Variants in NRG3 observed in about 807,000 individuals in gnomAD.
NRG3 encodes neuregulin 3.
Under a neutral mutation model 66.9 loss-of-function variants are expected in NRG3, and 31 were observed. That is an observed-to-expected ratio of 0.46 (90% CI 0.35 to 0.63). NRG3 has a LOEUF of 0.63. NRG3 is among the 20% of genes least tolerant of loss of function. The pLI is 0.00. For missense variants in NRG3, 910 were observed against 878.9 expected (o/e 1.04, Z -0.45); for synonymous variants, 393 against 359.4 (o/e 1.09, Z -1.06).
intron 1 of NRG3, among the ~76,000 whole-genome samples, chr10:82,167,582 T>G (rs1412119454): frequency 6.6e-6 from 1 of 152,104 alleles, no homozygotes; most frequent in Non-Finnish European, 1.5e-5. Flanking sequence ...TTATATTTTT[T>G]ATATGAAGGT....
chr10:82,232,011 A>G (rs765028685), intron 1 of NRG3, among the ~76,000 whole-genome samples: 3 of 152,226 alleles, frequency 2.0e-5, no homozygotes, highest in South Asian at 2.1e-4. Flanking sequence ...AACTCTAAGC[A>G]TAGGACTAAG....
chr10:82,906,688 T>A (rs899943567), intron 4 of NRG3, among the ~76,000 whole-genome samples: 3 of 152,226 alleles, frequency 2.0e-5, no homozygotes, highest in African/African-American at 4.8e-5. Context: ...CATCCTAATA[T>A]GCTTTCTCGC....
chr10:81,917,932 A>G lies in NRG3; in HGVS notation c.823+41769A>G, dbSNP rs181301503. ...TTTCTCTTTTCGCATGTTTTAGACA[A>G]AAGTGGCGGACTGATGAGTTTAATA... On this transcript the variant is annotated intron_variant, in intron 1 of 8. Coordinates refer to ENST00000372141, the MANE Select transcript of NRG3 (RefSeq NM_001010848.4). 6.8e-4 allele frequency among the ~76,000 whole-genome samples: 103 copies of G among 152,286 alleles called. 1 individual carries two copies. The Middle Eastern group carries it at 0.01, about 15-fold the overall frequency.
chr10:82,145,587 G>A (rs2070185677), intron 1 of NRG3, among the ~76,000 whole-genome samples: 1 of 152,106 alleles, frequency 6.6e-6, no homozygotes, highest in Non-Finnish European at 1.5e-5. Context: ...TATCACATGG[G>A]AACTTTTTTC....
At chr10:82,374,044 A>G (rs2085056607) in intron 2 of NRG3, among the ~76,000 whole-genome samples, 1 of 152,114 alleles carries the variant, frequency 6.6e-6, no homozygotes. Flanking sequence ...GGAACCTACC[A>G]CCTACTCAGG....
intron 1 of NRG3, among the ~76,000 whole-genome samples, chr10:82,219,920 C>A (rs2075857243): frequency 6.6e-6 from 1 of 151,816 alleles, no homozygotes; most frequent in Admixed American, 6.6e-5. Flanking sequence ...CTTAGAAACA[C>A]AATAAGATAT....
At chr10:82,320,323 A>G (rs1408447062) in intron 1 of NRG3, among the ~76,000 whole-genome samples, 3 of 152,204 alleles carry the variant, frequency 2.0e-5, no homozygotes, top group Non-Finnish European at 4.4e-5. Flanking sequence ...AATGCCAACT[A>G]GAAACCAAAG....
chr10:82,038,694 A>T (rs2132979918), intron 1 of NRG3, among the ~76,000 whole-genome samples: 1 of 152,282 alleles, frequency 6.6e-6, no homozygotes, highest in South Asian at 2.1e-4. Context: ...AGTTAATCCC[A>T]GTGACCCAGC....
At chr10:82,194,723 T>G (rs2074355302) in intron 1 of NRG3, among the ~76,000 whole-genome samples, 1 of 152,146 alleles carries the variant, frequency 6.6e-6, no homozygotes, top group East Asian at 1.9e-4. Context: ...ACAGTGCAGG[T>G]GGCATCTGAC....
At chr10:82,907,222 A>T (rs560615035) in intron 4 of NRG3, among the ~76,000 whole-genome samples, 2 of 152,270 alleles carry the variant, frequency 1.3e-5, no homozygotes, top group South Asian at 4.1e-4. Context: ...TCACTGGGGG[A>T]TAAATTCTTA....
At chr10:82,311,740 G>A (rs942842033) in intron 1 of NRG3, among the ~76,000 whole-genome samples, 1 of 152,078 alleles carries the variant, frequency 6.6e-6, no homozygotes, top group Non-Finnish European at 1.5e-5. Flanking sequence ...ATGAAGGAGG[G>A]TTTACTATTG....
chr10:82,107,979 G>A (rs1264285878), intron 1 of NRG3, among the ~76,000 whole-genome samples: 1 of 152,120 alleles, frequency 6.6e-6, no homozygotes, highest in African/African-American at 2.4e-5. Flanking sequence ...CCATTGCCAC[G>A]GCTGACGCAG....
intron 2 of NRG3, among the ~76,000 whole-genome samples, chr10:82,724,603 G>A (rs966939607): frequency 6.6e-6 from 1 of 152,182 alleles, no homozygotes; most frequent in African/African-American, 2.4e-5. Context: ...AGGCATGTGA[G>A]CTGTAAAAGT....
At chr10:82,706,628 T>G (rs1236403906) in intron 2 of NRG3, among the ~76,000 whole-genome samples, 1 of 152,218 alleles carries the variant, frequency 6.6e-6, no homozygotes, top group Non-Finnish European at 1.5e-5. Flanking sequence ...AATCTAACCA[T>G]TTAGAAATGA....
At chr10:82,971,480 A>C (rs1309542199) in intron 6 of NRG3, among the ~76,000 whole-genome samples, 1 of 144,126 alleles carries the variant, frequency 6.9e-6, no homozygotes, top group Non-Finnish European at 1.5e-5. Flanking sequence ...TCTCTTACCC[A>C]GGCTGGAGTA....
intron 4 of NRG3, among the ~76,000 whole-genome samples, chr10:82,870,085 G>T (rs1489716535): frequency 2.0e-5 from 3 of 146,382 alleles, no homozygotes; most frequent in Non-Finnish European, 4.5e-5. Context: ...AGCCAGGATG[G>T]TCTCGATCTC....
chr10:82,171,149 G>A (rs1253438598), intron 1 of NRG3, among the ~76,000 whole-genome samples: 2 of 151,580 alleles, frequency 1.3e-5, no homozygotes, highest in Admixed American at 1.3e-4. Context: ...AATGTATTTG[G>A]TATGAAGTAT....
At chr10:82,701,074 A>C (rs2055836451) in intron 2 of NRG3, among the ~76,000 whole-genome samples, 1 of 151,982 alleles carries the variant, frequency 6.6e-6, no homozygotes, top group African/African-American at 2.4e-5. Flanking sequence ...ATAGATGAAG[A>C]TATTTTATAA....
chr10:82,516,861 C>A (rs1845707421), intron 2 of NRG3, among the ~76,000 whole-genome samples: 2 of 152,128 alleles, frequency 1.3e-5, no homozygotes, highest in Admixed American at 6.5e-5. Flanking sequence ...TATATGATGT[C>A]AAACTCAACC....
Sources: gnomAD v4.1 joint callset for allele counts (sites outside exome capture counted in the v4.1 genomes callset) on GRCh38, gnomAD v4.1.1 for gene constraint, MANE v1.5 for transcripts, NCBI Gene and HGNC (gene_info 2026-07-23, HGNC 2026-07-21) for gene names.